The following ACKR2 variants were observed in gnomAD, a reference collection of about 807,000 sequenced individuals.
ACKR2 encodes C-C chemokine receptor D6.
For missense variants in ACKR2, 457 were observed against 477.3 expected (o/e 0.96, Z 0.40); for synonymous variants, 207 against 192.2 (o/e 1.08, Z -0.64).
chr3:42,830,849 A>T (rs1162237648), intron 2 of ACKR2, among the ~76,000 whole-genome samples: 2 of 151,870 alleles, frequency 1.3e-5, no homozygotes, highest in Non-Finnish European at 2.9e-5. Flanking sequence ...CTAGATAGAC[A>T]TTCTATGGAT....
At chr3:42,828,561 T>C (rs1700896602) in intron 2 of ACKR2, among the ~76,000 whole-genome samples, 1 of 152,244 alleles carries the variant, frequency 6.6e-6, no homozygotes, top group Non-Finnish European at 1.5e-5. Context: ...GAATGTTTTC[T>C]GAGACTTATT....
intron 1 of ACKR2, among the ~76,000 whole-genome samples, 179 bp from the exon 2 acceptor site, chr3:42,819,452 T>A (rs1234065935): frequency 6.7e-6 from 1 of 149,746 alleles, no homozygotes; most frequent in Non-Finnish European, 1.5e-5. Context: ...CTCTTTCCAG[T>A]AGAAAAGAGC....
chr3:42,828,171 G>A (rs1020735436), intron 2 of ACKR2, among the ~76,000 whole-genome samples: 13 of 149,864 alleles, frequency 8.7e-5, no homozygotes, highest in South Asian at 2.1e-4. Context: ...GTGCAGTGGT[G>A]CAATCTCTGC....
intron 2 of ACKR2, among the ~76,000 whole-genome samples, chr3:42,827,822 T>C (rs569366102): frequency 1.1e-4 from 16 of 152,254 alleles, no homozygotes; most frequent in African/African-American, 3.9e-4. Context: ...CTAGTCATCA[T>C]CCAGCCTGTG....
intron 2 of ACKR2, among the ~76,000 whole-genome samples, chr3:42,828,090 ATATTTT>A (rs1451912378): frequency 4.4e-5 from 4 of 91,874 alleles, no homozygotes; most frequent in Admixed American, 1.8e-4. Context: ...ATATATATAT[ATATTTT>A]TTTTTTTTTC....
At chr3:42,861,152 T>C (rs182002811) in intron 2 of ACKR2, among the ~76,000 whole-genome samples, 2 of 152,140 alleles carry the variant, frequency 1.3e-5, no homozygotes, top group African/African-American at 4.8e-5. Context: ...ACGAATCAAA[T>C]AGACACAATA....
At chr3:42,855,699 A>G (rs1464199236) in intron 2 of ACKR2, among the ~76,000 whole-genome samples, 1 of 152,192 alleles carries the variant, frequency 6.6e-6, no homozygotes, top group African/African-American at 2.4e-5. Flanking sequence ...GATGAAAGTG[A>G]TAGGAGGATG....
intron 1 of ACKR2, among the ~76,000 whole-genome samples, chr3:42,818,785 C>T (rs191013428): frequency 2.1e-3 from 327 of 152,306 alleles, no homozygotes; most frequent in African/African-American, 7.6e-3. Context: ...TGGTCTTGAA[C>T]TCCTGACCTC....
chr3:42,811,623 T>C (rs972964200), intron 1 of ACKR2, among the ~76,000 whole-genome samples: 1 of 152,026 alleles, frequency 6.6e-6, no homozygotes, highest in Non-Finnish European at 1.5e-5. Context: ...GGGTCTGTGC[T>C]GAGGAGGATT....
intron 1 of ACKR2, among the ~76,000 whole-genome samples, chr3:42,811,557 A>G (rs1329796099): frequency 6.6e-6 from 1 of 152,228 alleles, no homozygotes; most frequent in Admixed American, 6.5e-5. Flanking sequence ...AGCCTGAGAT[A>G]TGGCCTTGTG....
chr3:42,822,275 G>A (rs753125189), intron 2 of ACKR2, among the ~76,000 whole-genome samples: 31 of 151,994 alleles, frequency 2.0e-4, no homozygotes, highest in African/African-American at 7.0e-4. Flanking sequence ...TTTTATTTCC[G>A]TTTTTAAAAA....
At chr3:42,827,793 C>T (rs1392122979) in intron 2 of ACKR2, among the ~76,000 whole-genome samples, 1 of 152,112 alleles carries the variant, frequency 6.6e-6, no homozygotes, top group African/African-American at 2.4e-5. Context: ...GCTGGAACAG[C>T]CCTCAGGGTT....
At chr3:42,817,961 C>G (rs1700770605) in intron 1 of ACKR2, among the ~76,000 whole-genome samples, 1 of 152,156 alleles carries the variant, frequency 6.6e-6, no homozygotes, top group African/African-American at 2.4e-5. Context: ...TATTGGTGTG[C>G]TCTAGGGTTC....
chr3:42,864,994 T>A lies in ACKR2; in HGVS notation c.492T>A (p.Leu164=), dbSNP rs1575395162. 6 of 1,614,196 alleles carry A rather than the reference T, an allele frequency of 3.7e-6. No individual in the cohort carries two copies. Among genetic ancestry groups the A allele is most frequent in the Middle Eastern group, 1.6e-4 (1 of 6,062 alleles). The change falls in exon 3 of 3, where the codon CTT becomes CTA. Residue 164 remains leucine (L), a synonymous_variant. Coordinates refer to ENST00000422265, the MANE Select transcript of ACKR2 (RefSeq NM_001296.5). The part of the protein sequence containing the change: ...RLRTRAKSLL[L]ATIVWAVSLA... ...GGACCCGGGCCAAGAGCCTGCTCCT[T>A]GCTACCATAGTATGGGCTGTGTCCC...
At chr3:42,819,157 GT>G (rs1036142755) in intron 1 of ACKR2, among the ~76,000 whole-genome samples, 87 of 152,158 alleles carry the variant, frequency 5.7e-4, no homozygotes, top group African/African-American at 2.0e-3. Context: ...CATATATTTT[GT>G]TATTAAATAT....
chr3:42,839,167 G>T (rs1701012694), intron 2 of ACKR2: 1 of 152,006 alleles, frequency 6.6e-6, no homozygotes, highest in African/African-American at 2.4e-5. Flanking sequence ...GTGGGAGAGG[G>T]ATCCTTCATC....
At chr3:42,815,931 C>T (rs1700743765) in intron 1 of ACKR2, among the ~76,000 whole-genome samples, 1 of 152,144 alleles carries the variant, frequency 6.6e-6, no homozygotes, top group Non-Finnish European at 1.5e-5. Flanking sequence ...TCCACAGGCT[C>T]TGGGGTTTGC....
At chr3:42,819,803 G>A (rs975699798) in intron 2 of ACKR2, 92 bp downstream of exon 2, 5 of 152,246 alleles carry the variant, frequency 3.3e-5, no homozygotes, top group Admixed American at 6.5e-5. Flanking sequence ...TGGCTTTTTA[G>A]CCCTCCTGCT....
intron 2 of ACKR2, among the ~76,000 whole-genome samples, chr3:42,860,189 A>AAAAAAAAAACAC (rs376833790): frequency 9.0e-6 from 1 of 111,520 alleles, no homozygotes; most frequent in African/African-American, 2.9e-5. Flanking sequence ...AAAAAAAAAA[A>AAAAAAAAAACAC]GCAGGGGATG....
Sources: allele counts gnomAD v4.1 joint callset (sites outside exome capture counted in the v4.1 genomes callset), GRCh38; gene constraint gnomAD v4.1.1; transcripts MANE v1.5; gene names NCBI Gene and HGNC (gene_info 2026-07-23, HGNC 2026-07-21).